HPSE2: variants seen among roughly 807,000 people sequenced by gnomAD.
HPSE2 encodes the protein inactive heparanase-2.
A neutral mutation model predicts 60.5 loss-of-function variants in HPSE2; 38 were observed. The ratio of observed to expected loss-of-function variants is 0.63; its 90% confidence interval spans 0.48 to 0.82. The LOEUF (loss-of-function observed/expected upper bound fraction) is 0.82, where lower values mean the gene tolerates loss of function less well. Ranked by LOEUF, HPSE2 falls within the 40% of genes least tolerant of loss-of-function variation. The pLI is 0.00. For missense variants in HPSE2, 713 were observed against 740.4 expected (o/e 0.96, Z 0.43); for synonymous variants, 295 against 293.2 (o/e 1.01, Z -0.06).
At chr10:98,952,310 TTGTTTGTGTGTG>T (rs144358908) in intron 3 of HPSE2, among the ~76,000 whole-genome samples, 8 of 102,502 alleles carry the variant, frequency 7.8e-5, no homozygotes, top group South Asian at 7.7e-4. Context: ...TCAAAAGAAT[TTGTTTGTGTGTG>T]TGTGTGTGTG....
chr10:99,277,883 G>C, the HPSE2 span, among the ~76,000 whole-genome samples: 10 of 152,068 alleles, frequency 6.6e-5, no homozygotes, highest in African/African-American at 2.4e-4. Context: ...GGATCACTTA[G>C]GGTCAGGAGT....
the HPSE2 span, among the ~76,000 whole-genome samples, chr10:99,277,815 C>A: frequency 2.0e-5 from 3 of 151,898 alleles, no homozygotes; most frequent in Non-Finnish European, 4.4e-5. Context: ...AACTGATATG[C>A]GGCCGGGCAT....
intron 9 of HPSE2, among the ~76,000 whole-genome samples, chr10:98,596,663 G>A (rs1340147063): frequency 6.6e-6 from 1 of 152,034 alleles, no homozygotes; most frequent in African/African-American, 2.4e-5. Flanking sequence ...TCAGCACTTT[G>A]AATGTATCAT....
At chr10:98,919,724 T>A (rs140274881) in intron 3 of HPSE2, among the ~76,000 whole-genome samples, 1 of 152,090 alleles carries the variant, frequency 6.6e-6, no homozygotes, top group Admixed American at 6.6e-5. Flanking sequence ...AAATATTAGA[T>A]ACCAAGTGGC....
intron 4 of HPSE2, among the ~76,000 whole-genome samples, chr10:98,724,166 CT>C (rs1353079295): frequency 2.6e-5 from 4 of 152,072 alleles, no homozygotes; most frequent in African/African-American, 9.6e-5. Flanking sequence ...TATGTTGTGT[CT>C]TTGTTCTCGT....
At chr10:99,031,394 C>G (rs1306739650) in intron 3 of HPSE2, among the ~76,000 whole-genome samples, 2 of 151,968 alleles carry the variant, frequency 1.3e-5, no homozygotes, top group Non-Finnish European at 2.9e-5. Flanking sequence ...ATGCATTATC[C>G]CCTGAAACTA....
intron 3 of HPSE2, among the ~76,000 whole-genome samples, chr10:98,850,528 A>G (rs1397779306): frequency 6.6e-6 from 1 of 152,038 alleles, no homozygotes; most frequent in Non-Finnish European, 1.5e-5. Context: ...CGAGGTTAGG[A>G]GATGGAGACC....
intron 3 of HPSE2, among the ~76,000 whole-genome samples, chr10:98,815,086 A>AG (rs1951254628): frequency 6.6e-6 from 1 of 152,186 alleles, no homozygotes; most frequent in South Asian, 2.1e-4. Context: ...CAGGCAACAA[A>AG]GGGAGACACC....
chr10:98,481,523 G>A (rs1433797611), intron 11 of HPSE2, among the ~76,000 whole-genome samples: 1 of 152,102 alleles, frequency 6.6e-6, no homozygotes, highest in African/African-American at 2.4e-5. Context: ...AGGTAGGACC[G>A]GGAAGAAAGA....
the HPSE2 span, among the ~76,000 whole-genome samples, chr10:99,289,392 G>C: frequency 6.6e-6 from 1 of 151,942 alleles, no homozygotes; most frequent in African/African-American, 2.4e-5. Context: ...TTTGGTTGTA[G>C]TAAATGTCCT....
chr10:99,292,361 A>G, the HPSE2 span, among the ~76,000 whole-genome samples: 3 of 152,250 alleles, frequency 2.0e-5, no homozygotes, highest in African/African-American at 7.2e-5. Context: ...TAAGCCCAGA[A>G]GGAAGTACTC....
chr10:99,168,089 C>T (rs986362562), intron 2 of HPSE2, among the ~76,000 whole-genome samples: 98 of 36,136 alleles, frequency 2.7e-3, no homozygotes, highest in African/African-American at 4.7e-3. Flanking sequence ...AGCCTATTTA[C>T]ACACACACAC....
At chr10:98,759,032 C>G (rs1214269808) in intron 3 of HPSE2, among the ~76,000 whole-genome samples, 1 of 152,124 alleles carries the variant, frequency 6.6e-6, no homozygotes, top group Admixed American at 6.6e-5. Flanking sequence ...ATGTCCTTTG[C>G]AGCAACATGG....
At chr10:98,988,290 A>C (rs1438340624) in intron 3 of HPSE2, among the ~76,000 whole-genome samples, 9 of 152,280 alleles carry the variant, frequency 5.9e-5, no homozygotes, top group African/African-American at 2.2e-4. Context: ...CTGGTACCAA[A>C]ACAGAGATAT....
At chr10:99,124,117 T>C (rs984454993) in intron 3 of HPSE2, among the ~76,000 whole-genome samples, 3 of 152,220 alleles carry the variant, frequency 2.0e-5, no homozygotes, top group African/African-American at 7.2e-5. Context: ...CTGAGGCAGG[T>C]TGTCCCATTG....
chr10:98,595,416 C>T (rs1026168767), intron 9 of HPSE2, among the ~76,000 whole-genome samples: 8 of 152,068 alleles, frequency 5.3e-5, no homozygotes, highest in African/African-American at 7.2e-5. Flanking sequence ...GTGATCCACC[C>T]GCCTCAGCCT....
intron 3 of HPSE2, among the ~76,000 whole-genome samples, chr10:98,933,020 T>C (rs541443831): frequency 6.9e-6 from 1 of 144,174 alleles, no homozygotes; most frequent in East Asian, 2.0e-4. Context: ...AGGGTTTGTT[T>C]GCTCTTGGTT....
At chr10:98,930,071 C>T (rs1038007219) in intron 3 of HPSE2, among the ~76,000 whole-genome samples, 2 of 143,446 alleles carry the variant, frequency 1.4e-5, no homozygotes, top group Admixed American at 6.9e-5. Context: ...GTTTGCTGCA[C>T]CTGTCGACCC....
At position 98,754,240 on chromosome 10, in the gene HPSE2, C is replaced by G. The variant is rs574669613; in HGVS notation, c.611-10184G>C. Reference sequence around the variant, plus strand: ...TGGAAGTATTAACAGCAGAATAGATCAAGCTGAGGAAAGAATCTCAGAGCT... The same window carrying G: ...TGGAAGTATTAACAGCAGAATAGATGAAGCTGAGGAAAGAATCTCAGAGCT... On this transcript the variant is annotated intron_variant, in intron 3 of 11. Coordinates refer to ENST00000370552, the MANE Select transcript of HPSE2 (RefSeq NM_021828.5). Among the ~76,000 whole-genome samples, 7 of 152,266 alleles carry G rather than the reference C, an allele frequency of 4.6e-5. No homozygotes were observed. In the South Asian group the frequency reaches 1.4e-3, roughly 32 times the overall value.
Sources: allele counts gnomAD v4.1 joint callset (sites outside exome capture counted in the v4.1 genomes callset), GRCh38; gene constraint gnomAD v4.1.1; transcripts MANE v1.5; gene names NCBI Gene and HGNC (gene_info 2026-07-23, HGNC 2026-07-21).